SNTG1: variants seen among roughly 807,000 people sequenced by gnomAD.
SNTG1 encodes the protein gamma-1-syntrophin.
A neutral mutation model predicts 74.7 loss-of-function variants in SNTG1; 39 were observed. That is an observed-to-expected ratio of 0.52 (90% CI 0.40 to 0.68). The LOEUF is 0.68. SNTG1 is among the 30% of genes least tolerant of loss of function. SNTG1 has a pLI of 0.00. For synonymous variants in SNTG1, 254 were observed against 217.1 expected (o/e 1.17, Z -1.49); for missense variants, 685 against 609.5 (o/e 1.12, Z -1.30).
At position 49,938,659 on chromosome 8, in the gene SNTG1, TCTTC is replaced by T. The variant is rs779265503; in HGVS notation, c.-103+26446_-103+26449del. 6.1e-3 allele frequency among the ~76,000 whole-genome samples: 500 copies of T among 81,412 alleles called. 1 individual carries two copies. Among genetic ancestry groups the T allele is most frequent in the Admixed American group, 9.7e-3 (71 of 7,336 alleles). 53.4% of individuals were successfully genotyped at this position (81,412 alleles called of 152,430 possible). On this transcript the variant is annotated intron_variant, in intron 1 of 18. Transcript: ENST00000642720. The stretch of plus-strand genomic sequence containing the variant: ...TCTTTCTTTCCTTCCTCTCTCTCTC[TCTTC>T]CTTCCTTCCTTCCTTCCCTCCTTCT...
chr8:50,140,307 T>C (rs1021083655), intron 1 of SNTG1, among the ~76,000 whole-genome samples: 3 of 152,220 alleles, frequency 2.0e-5, no homozygotes, highest in African/African-American at 7.2e-5. Context: ...TTTCCAGTTG[T>C]ATCCATGTTC....
At position 50,780,405 on chromosome 8, in the gene SNTG1, G is replaced by A. The variant is rs569510946; in HGVS notation, c.1396-12266G>A. Among the ~76,000 whole-genome samples, 16 of 152,204 alleles carry A rather than the reference G, an allele frequency of 1.1e-4. No individual in the cohort carries two copies. In the East Asian group the frequency reaches 2.5e-3, roughly 24 times the overall value. On this transcript the variant is annotated intron_variant, in intron 18 of 18. Coordinates refer to ENST00000642720, the MANE Select transcript of SNTG1 (RefSeq NM_018967.5). ...AGCCTATTACTGGTCTATTCAGAGA[G>A]TCAACTTCTTCCTGGTTTAGTCTTG...
chr8:50,450,314 T>C (rs565512170), intron 6 of SNTG1, among the ~76,000 whole-genome samples: 12 of 152,322 alleles, frequency 7.9e-5, no homozygotes, highest in African/African-American at 2.9e-4. Context: ...GAGTGGCTCA[T>C]TTTTAGCAAC....
At chr8:50,417,933 C>T (rs897697138) in intron 4 of SNTG1, among the ~76,000 whole-genome samples, 14 of 151,946 alleles carry the variant, frequency 9.2e-5, no homozygotes, top group Non-Finnish European at 1.9e-4. Context: ...CAGCAATTTC[C>T]CACTGCATTT....
At chr8:50,644,547 T>C (rs1257740493) in intron 13 of SNTG1, 1 of 152,204 alleles carries the variant, frequency 6.6e-6, no homozygotes, top group Non-Finnish European at 1.5e-5. Flanking sequence ...ATATAACTAA[T>C]AAAATGTGTG....
intron 1 of SNTG1, among the ~76,000 whole-genome samples, chr8:50,030,599 A>G (rs563612303): frequency 6.6e-6 from 1 of 152,118 alleles, no homozygotes. Context: ...TATGGAACAG[A>G]CTATCATTTC....
Position 50,205,885 on chromosome 8 carries a change from T to G in SNTG1, c.-28+33250T>G, listed in dbSNP as rs181717508. Reference sequence around the variant, plus strand: ...CAAAGATCAGAGAGTTGTAGATGTGTGGTATTATTCCTGAGGGCTCTGTTC... The same window carrying G: ...CAAAGATCAGAGAGTTGTAGATGTGGGGTATTATTCCTGAGGGCTCTGTTC... On this transcript the variant is annotated intron_variant, in intron 2 of 18. Coordinates refer to ENST00000642720, the MANE Select transcript of SNTG1 (RefSeq NM_018967.5). Among the ~76,000 whole-genome samples the G allele has an allele frequency of 5.1e-3, 775 of 152,216 alleles. 7 individuals carry two copies. Among genetic ancestry groups the G allele is most frequent in the African/African-American group, 0.017 (718 of 41,520 alleles).
At chr8:50,343,803 A>C (rs1418107497) in intron 2 of SNTG1, among the ~76,000 whole-genome samples, 2 of 152,264 alleles carry the variant, frequency 1.3e-5, no homozygotes, top group African/African-American at 4.8e-5. Flanking sequence ...AAATAAAAAA[A>C]TAGTAATAAC....
chr8:50,751,989 T>C lies in SNTG1; in HGVS notation c.1285-12T>C, dbSNP rs775136625. The C allele has an allele frequency of 4.5e-5, 67 of 1,483,254 alleles. No individual in the cohort carries two copies. Among genetic ancestry groups the C allele is most frequent in the Admixed American group, 4.1e-4 (16 of 38,878 alleles). The allele number at this position is 1,483,254 out of a possible 1,614,324, so 91.9% of individuals were successfully genotyped here. ...TTCCACCGACTTACATTGTTTTTTT[T>C]CCCCCCTTTAGGCTGTCCTTTGGAG... On this transcript the variant is annotated splice_polypyrimidine_tract_variant and intron_variant, in intron 17 of 18. Transcript: ENST00000642720.
At chr8:50,473,526 A>G (rs1160352057) in intron 8 of SNTG1, among the ~76,000 whole-genome samples, 3 of 152,310 alleles carry the variant, frequency 2.0e-5, no homozygotes, top group East Asian at 1.9e-4. Flanking sequence ...TCAAAAAGTT[A>G]AAAACATAGC....
At chr8:49,912,620 G>T (rs1386848478) in intron 1 of SNTG1, among the ~76,000 whole-genome samples, 1 of 152,120 alleles carries the variant, frequency 6.6e-6, no homozygotes, top group East Asian at 1.9e-4. Flanking sequence ...AATAGAGAGG[G>T]TTTAACCATG....
chr8:50,660,788 A>G (rs890945909), intron 15 of SNTG1, among the ~76,000 whole-genome samples: 8 of 146,994 alleles, frequency 5.4e-5, no homozygotes, highest in African/African-American at 1.5e-4. Flanking sequence ...AATAATAAAC[A>G]TTATGTTTAG....
At chr8:49,940,539 A>T (rs940397082) in intron 1 of SNTG1, among the ~76,000 whole-genome samples, 18 of 152,148 alleles carry the variant, frequency 1.2e-4, no homozygotes, top group Non-Finnish European at 2.6e-4. Flanking sequence ...TATGAAGCAA[A>T]CTTTCATAAC....
rs767871727 is a variant in SNTG1, at chr8:50,538,879, T to C, written c.680+2071T>C. Among the ~76,000 whole-genome samples the C allele has an allele frequency of 9.9e-5, 15 of 152,158 alleles. 1 individual carries two copies. The highest frequency in any genetic ancestry group is 2.2e-4 in the Non-Finnish European group (15 of 68,018). On this transcript the variant is annotated intron_variant, in intron 11 of 18. Transcript: ENST00000642720. Reference sequence around the variant, plus strand: ...GAAACTTTTTAAAAAATCTGTTTTCTTTCTGTTAAACAGATTGGGAAAAGT... The same window carrying C: ...GAAACTTTTTAAAAAATCTGTTTTCCTTCTGTTAAACAGATTGGGAAAAGT...
chr8:50,679,876 G>T (rs1466544672), intron 15 of SNTG1, among the ~76,000 whole-genome samples: 2 of 152,140 alleles, frequency 1.3e-5, no homozygotes, highest in Non-Finnish European at 2.9e-5. Flanking sequence ...ACTACATACA[G>T]TATGTAAAGG....
chr8:50,716,806 C>T (rs2095476152), intron 17 of SNTG1, among the ~76,000 whole-genome samples: 1 of 151,286 alleles, frequency 6.6e-6, no homozygotes, highest in Non-Finnish European at 1.5e-5. Flanking sequence ...GATCTCAGCT[C>T]ACTGCAAGCT....
intron 2 of SNTG1, among the ~76,000 whole-genome samples, chr8:50,329,308 T>C (rs893783575): frequency 2.0e-5 from 3 of 152,166 alleles, no homozygotes; most frequent in African/African-American, 7.2e-5. Flanking sequence ...GTGGAAACTA[T>C]GTGTGGGGGC....
intron 1 of SNTG1, among the ~76,000 whole-genome samples, chr8:50,097,287 A>C (rs1027622065): frequency 3.3e-5 from 5 of 152,174 alleles, no homozygotes; most frequent in African/African-American, 1.2e-4. Flanking sequence ...TTATGTGTAG[A>C]TGCTTAGTTG....
chr8:50,546,759 C>T (rs886889960), intron 11 of SNTG1, among the ~76,000 whole-genome samples: 1 of 152,004 alleles, frequency 6.6e-6, no homozygotes, highest in Non-Finnish European at 1.5e-5. Flanking sequence ...ATATGTGCTA[C>T]ATTTTCTTAA....
Sources: gnomAD v4.1 joint callset for allele counts (sites outside exome capture counted in the v4.1 genomes callset) on GRCh38, gnomAD v4.1.1 for gene constraint, MANE v1.5 for transcripts, NCBI Gene and HGNC (gene_info 2026-07-23, HGNC 2026-07-21) for gene names.